SLC7A9: variants seen among roughly 807,000 people sequenced by gnomAD.
The protein encoded by SLC7A9 is B(0,+)-type amino acid transporter 1.
In SLC7A9, 38 loss-of-function variants were observed where a neutral mutation model predicts 54.1. The ratio of observed to expected loss-of-function variants is 0.70; its 90% confidence interval spans 0.54 to 0.92. SLC7A9 has a LOEUF of 0.92. SLC7A9 is among the 40% of genes least tolerant of loss of function. SLC7A9 has a pLI of 0.00. For synonymous variants in SLC7A9, 264 were observed against 258.9 expected (o/e 1.02, Z -0.19); for missense variants, 537 against 636.1 (o/e 0.84, Z 1.68).
At chr19:32,863,952 G>A in intron 4 of SLC7A9, 144 bp downstream of exon 4, 2 of 1,332,214 alleles carry the variant, frequency 1.5e-6, no homozygotes, top group Non-Finnish European at 2.1e-6. Flanking sequence ...CCAGTGTGCA[G>A]CACCCACAGG....
At chr19:32,867,552 C>T (rs1292480307) in intron 2 of SLC7A9, among the ~76,000 whole-genome samples, 1 of 151,640 alleles carries the variant, frequency 6.6e-6, no homozygotes, top group Admixed American at 6.6e-5. Context: ...AAAAAGAACG[C>T]CCTTTCTGAC....
intron 9 of SLC7A9, among the ~76,000 whole-genome samples, chr19:32,856,448 C>G (rs1321774646): frequency 6.6e-6 from 1 of 152,166 alleles, no homozygotes; most frequent in Non-Finnish European, 1.5e-5. Context: ...CCCGCCTCGG[C>G]CTCCCAAAGT....
chr19:32,834,436 C>A (rs1045924530), intron 11 of SLC7A9, among the ~76,000 whole-genome samples: 5 of 152,038 alleles, frequency 3.3e-5, no homozygotes, highest in African/African-American at 1.2e-4. Flanking sequence ...TCAAGATCAG[C>A]CTGGCCAACA....
At chr19:32,868,074 T>C (rs1451180597) in intron 2 of SLC7A9, among the ~76,000 whole-genome samples, 3 of 150,096 alleles carry the variant, frequency 2.0e-5, no homozygotes, top group Non-Finnish European at 4.4e-5. Flanking sequence ...CTACTAAAAA[T>C]ACAAAAATTA....
At chr19:32,864,564 G>A in intron 3 of SLC7A9, 65 bp downstream of exon 3, 1 of 1,598,414 alleles carries the variant, frequency 6.3e-7, no homozygotes, top group South Asian at 1.1e-5. Context: ...GCTGGCACAG[G>A]TAGCAGCTGC....
intron 9 of SLC7A9, among the ~76,000 whole-genome samples, chr19:32,855,688 C>G (rs1463641232): frequency 6.6e-6 from 1 of 150,936 alleles, no homozygotes; most frequent in Admixed American, 6.6e-5. Context: ...GGTGACAGAG[C>G]AAGACTCCGT....
chr19:32,862,707 C>G, intron 4 of SLC7A9, 121 bp from the exon 5 acceptor site: 3 of 908,680 alleles, frequency 3.3e-6, no homozygotes, highest in Non-Finnish European at 4.5e-6. Flanking sequence ...ACTCTGTCAC[C>G]CAGGCTGGAG....
intron 10 of SLC7A9, among the ~76,000 whole-genome samples, chr19:32,843,411 C>T (rs1348623930): frequency 6.6e-6 from 1 of 152,054 alleles, no homozygotes; most frequent in African/African-American, 2.4e-5. Context: ...GAGCCAAGAT[C>T]ATGGCACTGC....
chr19:32,853,203 G>A lies in SLC7A9; in HGVS notation c.977+5237C>T, dbSNP rs539078279. ...TGGGATTACAGGCGTGAGCCACCAC[G>A]CCTGGCCCATGTCATTCCATTTAGA... is the stretch of plus-strand genomic sequence containing the variant. On this transcript the variant is annotated intron_variant, in intron 9 of 12. Transcript: ENST00000023064. 3.9e-5 allele frequency among the ~76,000 whole-genome samples: 6 copies of A among 152,234 alleles called. No homozygotes were observed. In the South Asian group the frequency reaches 1.0e-3, roughly 26 times the overall value.
intron 11 of SLC7A9, among the ~76,000 whole-genome samples, chr19:32,834,163 T>C (rs549199511): frequency 6.6e-6 from 1 of 152,340 alleles, no homozygotes; most frequent in East Asian, 1.9e-4. Flanking sequence ...CCCCTCACAC[T>C]GTCCTGGGCC....
At chr19:32,860,550 G>A in intron 7 of SLC7A9, 56 bp downstream of exon 7, 1 of 1,613,870 alleles carries the variant, frequency 6.2e-7, no homozygotes, top group Non-Finnish European at 8.5e-7. Flanking sequence ...GCCTTCACCA[G>A]GAGAAGAGAA....
In SLC7A9 at chr19:32,864,310, T is replaced by A; in HGVS notation, c.264A>T (p.Thr88=). ...LGALCFAELG[T]MITKSGGEYP... The stretch of plus-strand genomic sequence containing the variant: ...ACTCTCCCCCTGACTTGGTGATCAT[T>A]GTGCCAAGCTCCGCAAAGCACAGGG... The change falls in exon 4 of 13, where the codon ACA becomes ACT. Residue 88 remains threonine (T), a synonymous_variant. Transcript: ENST00000023064. 1 of 1,614,014 alleles carries A rather than the reference T, an allele frequency of 6.2e-7. No individual in the cohort carries two copies. Among genetic ancestry groups the A allele is most frequent in the Non-Finnish European group, 8.5e-7 (1 of 1,180,000 alleles).
intron 2 of SLC7A9, 77 bp downstream of exon 2, chr19:32,868,371 A>G (rs1015776101): frequency 1.5e-5 from 16 of 1,075,506 alleles, no homozygotes; most frequent in Admixed American, 1.7e-5. Context: ...ATCGGCCCGG[A>G]TTTCACTGCC....
intron 9 of SLC7A9, among the ~76,000 whole-genome samples, chr19:32,858,169 C>T (rs1050319883): frequency 1.3e-5 from 2 of 152,192 alleles, no homozygotes; most frequent in Admixed American, 6.5e-5. Flanking sequence ...AGCTTCCCCC[C>T]CATGTTGGGA....
chr19:32,854,150 C>T (rs1968550890), intron 9 of SLC7A9, among the ~76,000 whole-genome samples: 1 of 151,874 alleles, frequency 6.6e-6, no homozygotes, highest in Non-Finnish European at 1.5e-5. Flanking sequence ...GTAGCTGGGA[C>T]CACAGGCATG....
rs1968743878 is a variant in SLC7A9 at position 32,859,880 on chromosome 19, C to T, written c.834G>A (p.Met278Ile). 1.2e-6 allele frequency: 2 copies of T among 1,614,182 alleles called. No individual in the cohort carries two copies. The highest frequency in any genetic ancestry group is 2.7e-5 in the African/African-American group (2 of 75,056). ...GGGACTGCAGGAGTTCGGTGGCAGT[C>T]ATCACGGTGAAGTAGGACACGTTCA... The part of the protein sequence containing the change: ...ILMNVSYFTV[M>I]TATELLQSQA... Residue 278 changes from methionine to isoleucine, a missense_variant, in exon 8 of 13, where the codon ATG becomes ATA. Coordinates refer to ENST00000023064, the MANE Select transcript of SLC7A9 (RefSeq NM_014270.5).
Position 32,868,647 on chromosome 19 carries a change from T to C in SLC7A9, c.-111-2A>G, listed in dbSNP as rs1969050440. On this transcript the variant is annotated splice_acceptor_variant, in intron 1 of 12. Coordinates refer to ENST00000023064, the MANE Select transcript of SLC7A9 (RefSeq NM_014270.5). LOFTEE classifies it low-confidence loss of function (5UTR_SPLICE). ...CTCGGCCTGGACTAGGGGAGCTGGC[T>C]GCAAAAGCACAGTGTTGGTTATTGC... 15 of 865,426 alleles carry C rather than the reference T, an allele frequency of 1.7e-5. No individual in the cohort carries two copies. The highest frequency in any genetic ancestry group is 2.7e-5 in the South Asian group (2 of 74,192). The allele number at this position is 865,426 out of a possible 1,614,324, so 53.6% of individuals were successfully genotyped here.
Position 32,864,623 on chromosome 19 carries a change from CTT to C in SLC7A9, c.235+4_235+5del, listed in dbSNP as rs1324259860. On this transcript the variant is annotated splice_donor_5th_base_variant and intron_variant, in intron 3 of 12. Coordinates refer to ENST00000023064, the MANE Select transcript of SLC7A9 (RefSeq NM_014270.5). Reference sequence around the variant, plus strand: ...GGGGCTGCAACAGGCTCCCAAGTCTCTTTACCCAGCGTCGCGAGGACCCCGCA... The same window carrying C: ...GGGGCTGCAACAGGCTCCCAAGTCTCTACCCAGCGTCGCGAGGACCCCGCA... 1.9e-6 allele frequency: 3 copies of C among 1,613,026 alleles called. No homozygotes were observed. The South Asian group carries it at 3.3e-5, about 18-fold the overall frequency.
At chr19:32,837,029 G>A (rs1967977561) in intron 11 of SLC7A9, among the ~76,000 whole-genome samples, 1 of 151,722 alleles carries the variant, frequency 6.6e-6, no homozygotes, top group Non-Finnish European at 1.5e-5. Flanking sequence ...TTTAAATGGA[G>A]TAAGCCCGTT....
Sources: allele counts gnomAD v4.1 joint callset (sites outside exome capture counted in the v4.1 genomes callset), GRCh38; gene constraint gnomAD v4.1.1; transcripts MANE v1.5; gene names NCBI Gene and HGNC (gene_info 2026-07-23, HGNC 2026-07-21).